PRKN: variants seen among roughly 807,000 people sequenced by gnomAD.
PRKN encodes E3 ubiquitin-protein ligase parkin.
Under a neutral mutation model 59.5 loss-of-function variants are expected in PRKN, and 56 were observed. The ratio of observed to expected loss-of-function variants is 0.94; its 90% CI spans 0.76 to 1.18. The LOEUF is 1.18. Ranked by LOEUF, PRKN falls within the 50% of genes most tolerant of loss-of-function variation. PRKN has a pLI of 0.00. For missense variants in PRKN, 657 were observed against 596.4 expected (o/e 1.10, Z -1.06); for synonymous variants, 250 against 222.1 (o/e 1.13, Z -1.12).
chr6:161,367,280 C>T (rs1416495580), intron 10 of PRKN, among the ~76,000 whole-genome samples: 3 of 151,882 alleles, frequency 2.0e-5, no homozygotes, highest in South Asian at 2.1e-4. Flanking sequence ...CGCGCCCGGC[C>T]GTGTCTGAAG....
chr6:161,771,842 G>A (rs3016562), intron 7 of PRKN, among the ~76,000 whole-genome samples: 67,513 of 151,946 alleles, frequency 0.44, 17,631 homozygotes, highest in Non-Finnish European at 0.57. Context: ...CTCCTGCTTT[G>A]GAACCAAACA....
intron 9 of PRKN, among the ~76,000 whole-genome samples, chr6:161,500,840 T>C (rs1261372024): frequency 1.3e-5 from 2 of 151,740 alleles, no homozygotes; most frequent in African/African-American, 4.8e-5. Context: ...TGCTAGATCA[T>C]ATGGTAAGCG....
At chr6:162,098,278 C>T (rs1349753824) in intron 4 of PRKN, among the ~76,000 whole-genome samples, 2 of 152,146 alleles carry the variant, frequency 1.3e-5, no homozygotes, top group African/African-American at 2.4e-5. Flanking sequence ...GGAATGTCCG[C>T]TTTTCCCAAA....
chr6:162,043,855 GAT>G (rs1409698170), intron 5 of PRKN, among the ~76,000 whole-genome samples: 1 of 152,206 alleles, frequency 6.6e-6, no homozygotes, highest in Non-Finnish European at 1.5e-5. Context: ...TGCTGATAAA[GAT>G]AGAATTTCAG....
In PRKN at chr6:161,554,678, T is replaced by C. The variant is rs1351610789; in HGVS notation, c.934-5675A>G. ...ATTATAGTTTCTTACAGTATACATATAAGGAATATACAATCCTGATATACA... is the reference window on the plus strand; with the variant it reads ...ATTATAGTTTCTTACAGTATACATACAAGGAATATACAATCCTGATATACA... On this transcript the variant is annotated intron_variant, in intron 8 of 11. Transcript: ENST00000366898. The surrounding 1 kb of genome is among the most constrained non-coding windows in gnomAD (Gnocchi z 4.5). Among the ~76,000 whole-genome samples the C allele has an allele frequency of 2.0e-5, 3 of 151,362 alleles. No homozygotes were observed. Among genetic ancestry groups the C allele is most frequent in the Non-Finnish European group, 4.4e-5 (3 of 67,900 alleles).
At position 162,727,751 on chromosome 6, in the gene PRKN, T is replaced by C. The variant is rs968685704; in HGVS notation, c.-83A>G. 4.2e-6 allele frequency: 6 copies of C among 1,429,706 alleles called. No homozygotes were observed. Among genetic ancestry groups the C allele is most frequent in the Middle Eastern group, 1.8e-4 (1 of 5,712 alleles). The allele number at this position is 1,429,706 out of a possible 1,614,324, so 88.6% of individuals were successfully genotyped here. Reference sequence around the variant, plus strand: ...CAGCCGCGCCTCCCACCAGCGGCTCTCCTGGGTTAAATCCTCCAGGCCTCC... The same window carrying C: ...CAGCCGCGCCTCCCACCAGCGGCTCCCCTGGGTTAAATCCTCCAGGCCTCC... On this transcript the variant is annotated 5_prime_UTR_variant, in exon 1 of 12. Transcript: ENST00000366898.
chr6:161,587,816 T>C (rs1781573615), intron 7 of PRKN, among the ~76,000 whole-genome samples: 2 of 152,244 alleles, frequency 1.3e-5, no homozygotes, highest in Middle Eastern at 6.8e-3. Flanking sequence ...AAAGGTGTTT[T>C]GAACACATAA....
At chr6:162,695,074 T>C (rs897786087) in intron 1 of PRKN, 5 of 152,204 alleles carry the variant, frequency 3.3e-5, no homozygotes, top group South Asian at 2.1e-4. Context: ...GATCTGCAGA[T>C]AGAAATGAGG....
Position 161,456,039 on chromosome 6 carries a change from T to C in PRKN, c.1084-69162A>G, listed in dbSNP as rs531636577. ...AAAAAATGTTTTCCTAAGGAGAACGTTGGCCTCTAGGGGAAGCAAAGGGCT... is the reference window on the plus strand; with the variant it reads ...AAAAAATGTTTTCCTAAGGAGAACGCTGGCCTCTAGGGGAAGCAAAGGGCT... On this transcript the variant is annotated intron_variant, in intron 9 of 11. Transcript: ENST00000366898. The surrounding 1 kb of genome is among the most constrained non-coding windows in gnomAD (Gnocchi z 4.8). 5.9e-5 allele frequency among the ~76,000 whole-genome samples: 9 copies of C among 152,318 alleles called. No homozygotes were observed. In the East Asian group the frequency reaches 1.7e-3, roughly 29 times the overall value.
chr6:162,112,644 A>G (rs2128302807), intron 4 of PRKN, among the ~76,000 whole-genome samples: 1 of 152,216 alleles, frequency 6.6e-6, no homozygotes, highest in African/African-American at 2.4e-5. Context: ...GGCCGGGCGC[A>G]GTGGCTCATG....
rs1408216978 is a variant in PRKN, at chr6:161,456,443, C to G, written c.1084-69566G>C. 1.3e-5 allele frequency among the ~76,000 whole-genome samples: 2 copies of G among 152,178 alleles called. No homozygotes were observed. The highest frequency in any genetic ancestry group is 4.8e-5 in the African/African-American group (2 of 41,448). On this transcript the variant is annotated intron_variant, in intron 9 of 11. Transcript: ENST00000366898. This position sits in a 1 kb window ranked among gnomAD's most constrained non-coding sequence, Gnocchi z 4.8. Reference sequence around the variant, plus strand: ...GGCCACAGACTGAAGGCTGCACTGTCGGCTTCCCTACTTTTGAGGTTTTGG... The same window carrying G: ...GGCCACAGACTGAAGGCTGCACTGTGGGCTTCCCTACTTTTGAGGTTTTGG...
intron 7 of PRKN, among the ~76,000 whole-genome samples, chr6:161,771,377 T>G (rs142322922): frequency 0.031 from 1,267 of 40,868 alleles, 97 homozygotes; most frequent in East Asian, 0.055. Flanking sequence ...AAAAATAAAA[T>G]AAAATAAAAT....
At position 161,562,523 on chromosome 6, in the gene PRKN, T is replaced by A. The variant is rs1044467757; in HGVS notation, c.933+6832A>T. On this transcript the variant is annotated intron_variant, in intron 8 of 11. Coordinates refer to ENST00000366898, the MANE Select transcript of PRKN (RefSeq NM_004562.3). This position sits in a 1 kb window ranked among gnomAD's most constrained non-coding sequence, Gnocchi z 4.3. ...AAAATTTCCTCTACATGCTGGTAAT[T>A]CCAAAGTTATCTCTCCATCTCGGAC... 2.0e-5 allele frequency among the ~76,000 whole-genome samples: 3 copies of A among 152,182 alleles called. No homozygotes were observed. Among genetic ancestry groups the A allele is most frequent in the Non-Finnish European group, 4.4e-5 (3 of 68,012 alleles).
At chr6:162,617,892 T>C (rs1782498982) in intron 1 of PRKN, among the ~76,000 whole-genome samples, 1 of 151,914 alleles carries the variant, frequency 6.6e-6, no homozygotes, top group African/African-American at 2.4e-5. Context: ...TCCTAAGGGG[T>C]TTCAATGTAT....
intron 6 of PRKN, among the ~76,000 whole-genome samples, chr6:161,900,654 T>A (rs1453785338): frequency 7.5e-6 from 1 of 133,674 alleles, no homozygotes; most frequent in African/African-American, 2.9e-5. Context: ...ATATTATATA[T>A]AACATATATT....
chr6:161,519,044 C>T (rs1223932131), intron 9 of PRKN, among the ~76,000 whole-genome samples: 1 of 152,214 alleles, frequency 6.6e-6, no homozygotes, highest in Non-Finnish European at 1.5e-5. Flanking sequence ...GCGCAATGTA[C>T]TTGTAACACC....
intron 4 of PRKN, among the ~76,000 whole-genome samples, chr6:162,105,693 C>T (rs1020235993): frequency 5.9e-5 from 9 of 152,212 alleles, no homozygotes; most frequent in African/African-American, 1.4e-4. Flanking sequence ...AGCCACTGCA[C>T]CCGGCCCAGA....
intron 7 of PRKN, among the ~76,000 whole-genome samples, chr6:161,769,869 C>T (rs1789591379): frequency 1.3e-5 from 2 of 152,190 alleles, no homozygotes; most frequent in East Asian, 1.9e-4. Context: ...AATTATGCTG[C>T]GGTTGTGTGT....
chr6:162,674,051 A>G (rs1463540506), intron 1 of PRKN, among the ~76,000 whole-genome samples: 3 of 152,218 alleles, frequency 2.0e-5, no homozygotes, highest in African/African-American at 4.8e-5. Context: ...CAATCCGTGC[A>G]CAGTGCTAGT....
Sources: gnomAD v4.1 joint callset for allele counts (sites outside exome capture counted in the v4.1 genomes callset) on GRCh38, gnomAD v4.1.1 for gene constraint, Gnocchi (gnomAD v3.1) non-coding constraint, MANE v1.5 for transcripts, NCBI Gene and HGNC (gene_info 2026-07-23, HGNC 2026-07-21) for gene names.